MANBA: variants seen among roughly 807,000 people sequenced by gnomAD.
MANBA encodes beta-mannosidase.
In MANBA, 83 loss-of-function variants were observed where a neutral mutation model predicts 111.1. That is an observed-to-expected ratio of 0.75 (90% CI 0.63 to 0.90). The LOEUF (loss-of-function observed/expected upper bound fraction) is 0.90, where lower values mean the gene tolerates loss of function less well. MANBA is among the 40% of genes least tolerant of loss of function. The pLI, the probability that MANBA is intolerant of heterozygous loss-of-function variation, is 0.00. For missense variants in MANBA, 1,036 were observed against 1,069.0 expected, an observed-to-expected ratio of 0.97 and a Z score of 0.43; for synonymous variants, 370 against 378.7, an observed-to-expected ratio of 0.98 and a Z score of 0.27.
chr4:102,700,608 C>T lies in MANBA; in HGVS notation c.674-9837G>A, dbSNP rs1200284469. ...AACATCTTTATTTCTGCCTTCATTTCGTTATGTACCCAGTAGTCATTCTGG... is the reference window on the plus strand; with the variant it reads ...AACATCTTTATTTCTGCCTTCATTTTGTTATGTACCCAGTAGTCATTCTGG... On this transcript the variant is annotated intron_variant, in intron 5 of 16. Coordinates refer to ENST00000647097, the MANE Select transcript of MANBA (RefSeq NM_005908.4). Among the ~76,000 whole-genome samples the T allele has an allele frequency of 1.2e-4, 18 of 152,172 alleles. No homozygotes were observed. In the South Asian group the frequency reaches 1.7e-3, roughly 14 times the overall value.
intron 8 of MANBA, 102 bp downstream of exon 8, chr4:102,673,817 A>C: frequency 9.4e-7 from 1 of 1,060,474 alleles, no homozygotes; most frequent in Non-Finnish European, 1.5e-6. Context: ...ACTACCTCTT[A>C]GTTCCTTGCC....
chr4:102,655,763 C>T (rs1390490028), intron 12 of MANBA, among the ~76,000 whole-genome samples: 1 of 151,940 alleles, frequency 6.6e-6, no homozygotes, highest in Non-Finnish European at 1.5e-5. Flanking sequence ...AGATGCAACA[C>T]CAAAAAGAAC....
chr4:102,652,345 T>C (rs1461128405), intron 12 of MANBA, among the ~76,000 whole-genome samples: 1 of 152,188 alleles, frequency 6.6e-6, no homozygotes, highest in East Asian at 1.9e-4. Flanking sequence ...TTCCTCCTTT[T>C]CAAAGTCTGA....
At chr4:102,675,907 T>A (rs61612693) in intron 7 of MANBA, among the ~76,000 whole-genome samples, 7,997 of 151,678 alleles carry the variant, frequency 0.053, 647 homozygotes, top group African/African-American at 0.18. Context: ...GGAGGCAGAG[T>A]TTGCAGCGAG....
At chr4:102,751,970 G>A (rs1315125670) in intron 1 of MANBA, 2 of 709,676 alleles carry the variant, frequency 2.8e-6, no homozygotes, top group Non-Finnish European at 5.4e-6. Context: ...CATGCTGGAA[G>A]TGCAGAGTCT....
At chr4:102,759,140 T>TC (rs949389969) in intron 1 of MANBA, among the ~76,000 whole-genome samples, 17 of 150,972 alleles carry the variant, frequency 1.1e-4, no homozygotes, top group South Asian at 8.3e-4. Context: ...TTTCTTTCTT[T>TC]TTTTTTTTTT....
intron 4 of MANBA, chr4:102,722,337 C>A: frequency 6.4e-6 from 1 of 156,376 alleles, no homozygotes; most frequent in Non-Finnish European, 1.4e-5. Flanking sequence ...AACCAAATGT[C>A]ACATAGAATA....
intron 7 of MANBA, among the ~76,000 whole-genome samples, chr4:102,677,234 C>G (rs1731768873): frequency 6.6e-6 from 1 of 152,112 alleles, no homozygotes; most frequent in Admixed American, 6.5e-5. Flanking sequence ...TGGAGTGAGC[C>G]TATCATTTCA....
chr4:102,675,023 A>G (rs1322058727), intron 7 of MANBA, among the ~76,000 whole-genome samples: 1 of 152,234 alleles, frequency 6.6e-6, no homozygotes, highest in Non-Finnish European at 1.5e-5. Context: ...AAGATACAGA[A>G]TATGTCCTGG....
intron 13 of MANBA, among the ~76,000 whole-genome samples, chr4:102,642,424 G>A (rs765416392): frequency 2.0e-5 from 3 of 152,078 alleles, no homozygotes; most frequent in South Asian, 2.1e-4. Context: ...TGGCTAACAC[G>A]GTGAAACCCC....
chr4:102,718,929 A>T (rs1322136864), intron 4 of MANBA, among the ~76,000 whole-genome samples: 2 of 152,208 alleles, frequency 1.3e-5, no homozygotes, highest in Non-Finnish European at 1.5e-5. Flanking sequence ...CAAAGATCAC[A>T]TGCTTCAAAG....
In MANBA at chr4:102,689,104, C is replaced by T. The variant is rs188096610; in HGVS notation, c.960+470G>A. ...GTGGCTCACGCCCGTAATCCCAGCACTCTGGGAGGCCAAGGCAGTAGATCA... is the reference window on the plus strand; with the variant it reads ...GTGGCTCACGCCCGTAATCCCAGCATTCTGGGAGGCCAAGGCAGTAGATCA... On this transcript the variant is annotated intron_variant, in intron 7 of 16. Coordinates refer to ENST00000647097, the MANE Select transcript of MANBA (RefSeq NM_005908.4). Among the ~76,000 whole-genome samples, 537 of 152,282 alleles carry T rather than the reference C, an allele frequency of 3.5e-3. 3 individuals are homozygous for T. The highest frequency in any genetic ancestry group is 0.012 in the African/African-American group (503 of 41,568).
intron 1 of MANBA, among the ~76,000 whole-genome samples, chr4:102,757,664 T>G (rs1724080224): frequency 6.6e-6 from 1 of 152,220 alleles, no homozygotes; most frequent in Non-Finnish European, 1.5e-5. Context: ...AGAAGTCATC[T>G]CTTGCCCATA....
chr4:102,671,101 A>G, intron 9 of MANBA, 180 bp downstream of exon 9: 1 of 528,694 alleles, frequency 1.9e-6, no homozygotes, highest in Non-Finnish European at 3.4e-6. Context: ...TTAAAAATAA[A>G]TAATTATGGT....
At chr4:102,717,529 A>G (rs1467472614) in intron 4 of MANBA, among the ~76,000 whole-genome samples, 1 of 150,666 alleles carries the variant, frequency 6.6e-6, no homozygotes, top group Non-Finnish European at 1.5e-5. Flanking sequence ...CTCCCACCTC[A>G]GCCTCCTGAG....
intron 1 of MANBA, among the ~76,000 whole-genome samples, chr4:102,757,248 G>T (rs1156482909): frequency 6.6e-6 from 1 of 151,822 alleles, no homozygotes; most frequent in Non-Finnish European, 1.5e-5. Context: ...AGAATCTCTT[G>T]AACCCAGGAG....
intron 1 of MANBA, chr4:102,734,598 A>G (rs1723142877): frequency 6.2e-7 from 1 of 1,605,148 alleles, no homozygotes; most frequent in African/African-American, 1.3e-5. Context: ...CAAGAAAGAG[A>G]CCAAGAAGAA....
intron 8 of MANBA, among the ~76,000 whole-genome samples, chr4:102,671,641 C>G (rs889113617): frequency 6.6e-6 from 1 of 152,126 alleles, no homozygotes; most frequent in African/African-American, 2.4e-5. Context: ...TTATTATACT[C>G]TTTTTAAAAT....
At chr4:102,660,991 A>G (rs1730915589) in intron 11 of MANBA, among the ~76,000 whole-genome samples, 1 of 152,028 alleles carries the variant, frequency 6.6e-6, no homozygotes, top group South Asian at 2.1e-4. Flanking sequence ...GCTCAACTCC[A>G]TAATATGATT....
Sources: allele counts gnomAD v4.1 joint callset (sites outside exome capture counted in the v4.1 genomes callset), GRCh38; gene constraint gnomAD v4.1.1; transcripts MANE v1.5; gene names NCBI Gene and HGNC (gene_info 2026-07-23, HGNC 2026-07-21).